KASH5: variants seen among roughly 807,000 people sequenced by gnomAD.
KASH5 encodes the protein protein KASH5.
Under a neutral mutation model 84.2 loss-of-function variants are expected in KASH5, and 72 were observed. The observed-to-expected ratio is 0.85, with a 90% CI of 0.71 to 1.04. The LOEUF (loss-of-function observed/expected upper bound fraction) is 1.04. Among genes scored for constraint, KASH5 ranks in the 50% least tolerant of loss-of-function variants. The pLI, the probability that KASH5 is intolerant of heterozygous loss-of-function variation, is 0.00. For missense variants in KASH5, 650 were observed against 701.0 expected (o/e 0.93, Z 0.82); for synonymous variants, 260 against 279.1 (o/e 0.93, Z 0.68).
intron 13 of KASH5, 53 bp downstream of exon 13, chr19:49,409,084 G>A: frequency 6.3e-7 from 1 of 1,579,256 alleles, no homozygotes; most frequent in Non-Finnish European, 8.6e-7. Context: ...CTAAGGGCAG[G>A]GACACCCTGG....
intron 2 of KASH5, chr19:49,393,472 T>TG (rs1974068851): frequency 1.3e-5 from 2 of 152,254 alleles, no homozygotes; most frequent in Non-Finnish European, 2.9e-5. Context: ...ATCTACCCCG[T>TG]CCTGCAGCCT....
chr19:49,401,891 T>G (rs1974371140), intron 9 of KASH5, among the ~76,000 whole-genome samples: 1 of 152,192 alleles, frequency 6.6e-6, no homozygotes, highest in Non-Finnish European at 1.5e-5. Flanking sequence ...GGCTGTACCA[T>G]GTGAGACATG....
chr19:49,390,597 T>C (rs899565854), intron 1 of KASH5, among the ~76,000 whole-genome samples, 192 bp from the exon 2 acceptor site: 5 of 152,140 alleles, frequency 3.3e-5, no homozygotes, highest in African/African-American at 1.2e-4. Context: ...CTAGCCCCTT[T>C]GATGTCAGCC....
intron 9 of KASH5, among the ~76,000 whole-genome samples, chr19:49,401,774 C>G (rs1974367545): frequency 6.6e-6 from 1 of 152,156 alleles, no homozygotes; most frequent in African/African-American, 2.4e-5. Flanking sequence ...TATCTTTGTC[C>G]TACATGTGCA....
intron 9 of KASH5, among the ~76,000 whole-genome samples, chr19:49,400,999 C>G (rs1449757504): frequency 6.6e-6 from 1 of 152,172 alleles, no homozygotes; most frequent in Non-Finnish European, 1.5e-5. Flanking sequence ...GGCTGCTGAT[C>G]CTCACTCAAT....
rs551331185 is a variant in KASH5 at position 49,402,965 on chromosome 19, G to C, written c.798+3458G>C. ...CTGGGAAGAAGGTGGTCTCTGGGAGGTTTGGTGGCTCCCTGGCTGCCTGTG... is the reference window on the plus strand; with the variant it reads ...CTGGGAAGAAGGTGGTCTCTGGGAGCTTTGGTGGCTCCCTGGCTGCCTGTG... On this transcript the variant is annotated intron_variant, in intron 9 of 19. Coordinates refer to ENST00000447857, the MANE Select transcript of KASH5 (RefSeq NM_144688.5). Among the ~76,000 whole-genome samples the C allele has an allele frequency of 6.6e-5, 10 of 151,300 alleles. No homozygotes were observed. In the South Asian group the frequency reaches 2.1e-3, roughly 32 times the overall value.
At chr19:49,404,258 G>A (rs1410556897) in intron 9 of KASH5, among the ~76,000 whole-genome samples, 3 of 152,112 alleles carry the variant, frequency 2.0e-5, no homozygotes, top group Non-Finnish European at 4.4e-5. Flanking sequence ...GGAGGGGCGT[G>A]GTGAAAGGGA....
At chr19:49,393,682 C>CGTGTGTGTGT (rs34539350) in intron 2 of KASH5, 3,732 of 142,482 alleles carry the variant, frequency 0.026, 72 homozygotes, top group African/African-American at 0.044. Context: ...GACCCCAGGA[C>CGTGTGTGTGT]GTGTGTGTGT....
chr19:49,413,197 G>A (rs1482953059), intron 16 of KASH5, among the ~76,000 whole-genome samples, 171 bp downstream of exon 16: 1 of 152,218 alleles, frequency 6.6e-6, no homozygotes, highest in Non-Finnish European at 1.5e-5. Flanking sequence ...GCCTGGCCCT[G>A]CCCTCAGGTC....
At chr19:49,396,363 T>G (rs1260438593) in intron 5 of KASH5, among the ~76,000 whole-genome samples, 1 of 151,924 alleles carries the variant, frequency 6.6e-6, no homozygotes, top group Non-Finnish European at 1.5e-5. Flanking sequence ...CAAGCAGTTC[T>G]TCTGCCTCAG....
At position 49,406,889 on chromosome 19, in the gene KASH5, G is replaced by T; in HGVS notation, c.802G>T (p.Gly268Trp). The T allele has an allele frequency of 6.2e-7, 1 of 1,605,222 alleles. No individual in the cohort carries two copies. Among genetic ancestry groups the T allele is most frequent in the East Asian group, 2.2e-5 (1 of 44,594 alleles). ...AEMETLQEEN[G>W]KLLAERDGVK... ...GACCAGCCATTCCTTCTTCTAGAAC[G>T]GGAAGCTGCTTGCCGAGCGGGATGG... Residue 268 changes from glycine to tryptophan, a missense_variant, in exon 10 of 20, where the codon GGG (glycine) becomes TGG (tryptophan). By Grantham distance (184) the Gly-to-Trp change is radical. Transcript: ENST00000447857.
rs201622869 is a variant in KASH5 at position 49,417,172 on chromosome 19, G to A, written c.1453G>A (p.Glu485Lys). ...ENPPERPARRELQQALVPVMK... is the reference protein window; with the variant it reads ...ENPPERPARRKLQQALVPVMK... ...TCACCCCAGCAGACCTGCGCGGCGG[G>A]AACTCCAGCAAGCCCTGGTGCCTGT... is the stretch of plus-strand genomic sequence containing the variant. Residue 485 changes from glutamate to lysine, a missense_variant, in exon 19 of 20, where the codon GAA becomes AAA. Transcript: ENST00000447857. The surrounding 1 kb of genome is among the most constrained non-coding windows in gnomAD (Gnocchi z 5.2). The A allele has an allele frequency of 4.7e-4, 755 of 1,613,806 alleles. 11 individuals carry two copies. The Middle Eastern group carries it at 6.3e-3, about 13-fold the overall frequency.
chr19:49,390,984 T>C (rs1973985528), intron 2 of KASH5, 58 bp downstream of exon 2: 2 of 1,578,568 alleles, frequency 1.3e-6, no homozygotes, highest in Non-Finnish European at 1.7e-6. Context: ...CATGGGTGAA[T>C]GGGTGCCAGG....
chr19:49,395,618 G>T lies in KASH5; in HGVS notation c.336-151G>T. The T allele has an allele frequency of 1.3e-6, 1 of 750,220 alleles. No individual in the cohort carries two copies. The highest frequency in any genetic ancestry group is 1.7e-5 in the South Asian group (1 of 58,106). 46.5% of individuals were successfully genotyped at this position (750,220 alleles called of 1,614,324 possible). On this transcript the variant is annotated intron_variant, in intron 4 of 19. Transcript: ENST00000447857. The surrounding 1 kb of genome is among the most constrained non-coding windows in gnomAD (Gnocchi z 4.4). Reference sequence around the variant, plus strand: ...CTCCTGCTTTTCCATCTGGCCACGGGCACTTGCCATCTGGCCTCACCCTCC... The same window carrying T: ...CTCCTGCTTTTCCATCTGGCCACGGTCACTTGCCATCTGGCCTCACCCTCC...
rs759971754 is a variant in KASH5, at chr19:49,417,602, G to T, written c.*92G>T. On this transcript the variant is annotated 3_prime_UTR_variant, in exon 20 of 20. Transcript: ENST00000447857. The surrounding 1 kb of genome is among the most constrained non-coding windows in gnomAD (Gnocchi z 5.2). ...ATCCCCATTGTTAGTCCACTGTTGC[G>T]CAGGCTTACCCTAGATAGAGTACAG... is the stretch of plus-strand genomic sequence containing the variant. The T allele has an allele frequency of 7.0e-5, 99 of 1,417,684 alleles. No homozygotes were observed. Among genetic ancestry groups the T allele is most frequent in the Non-Finnish European group, 8.6e-5 (93 of 1,077,346 alleles). The allele number at this position is 1,417,684 out of a possible 1,614,324, so 87.8% of individuals were successfully genotyped here. A position where few individuals can be genotyped will look rare whatever the true frequency, so the allele number is the denominator to read the frequency against.
At chr19:49,400,188 A>G (rs1377228612) in intron 9 of KASH5, among the ~76,000 whole-genome samples, 3 of 143,402 alleles carry the variant, frequency 2.1e-5, no homozygotes, top group South Asian at 2.2e-4. Flanking sequence ...AGATTGCATC[A>G]TGGCATTCCA....
At position 49,399,152 on chromosome 19, in the gene KASH5, G is replaced by C. The variant is rs1434996171; in HGVS notation, c.747+10G>C. ...CCAAGCCCGGCAGGCGGTGGGTCTG[G>C]CCCAGGGGAAGGAAGGTGCCCTCTC... On this transcript the variant is annotated intron_variant, in intron 8 of 19. Coordinates refer to ENST00000447857, the MANE Select transcript of KASH5 (RefSeq NM_144688.5). This position sits in a 1 kb window ranked among gnomAD's most constrained non-coding sequence, Gnocchi z 4.4. 6.5e-7 allele frequency: 1 copy of C among 1,541,312 alleles called. No individual in the cohort carries two copies.
chr19:49,401,051 C>G (rs959738680), intron 9 of KASH5, among the ~76,000 whole-genome samples: 4 of 152,164 alleles, frequency 2.6e-5, no homozygotes, highest in African/African-American at 9.7e-5. Context: ...GGGTTTTGTC[C>G]AAGCGTTTGT....
At chr19:49,398,784 T>A (rs1311218940) in intron 7 of KASH5, among the ~76,000 whole-genome samples, 1 of 152,124 alleles carries the variant, frequency 6.6e-6, no homozygotes, top group African/African-American at 2.4e-5. Flanking sequence ...AGTCCCCCAC[T>A]CTCTCTAGGT....
Sources: gnomAD v4.1 joint callset for allele counts (sites outside exome capture counted in the v4.1 genomes callset) on GRCh38, gnomAD v4.1.1 for gene constraint, Gnocchi (gnomAD v3.1) non-coding constraint, MANE v1.5 for transcripts, NCBI Gene and HGNC (gene_info 2026-07-23, HGNC 2026-07-21) for gene names.